The following CHRM3 variants were observed in gnomAD, a reference collection of about 807,000 sequenced individuals.
CHRM3 encodes the protein muscarinic acetylcholine receptor M3.
CHRM3 carries 11 observed loss-of-function variants against 41.8 expected under a neutral mutation model. The ratio of observed to expected loss-of-function variants is 0.26; its 90% CI spans 0.17 to 0.44. The LOEUF (loss-of-function observed/expected upper bound fraction) is 0.44. CHRM3 is among the 20% of genes least tolerant of loss of function. CHRM3 has a pLI of 1.00. For missense variants in CHRM3, 571 were observed against 745.4 expected (o/e 0.77, Z 2.72); for synonymous variants, 297 against 301.4 (o/e 0.99, Z 0.15).
chr1:239,779,551 T>G (rs1350667928), intron 5 of CHRM3, among the ~76,000 whole-genome samples: 2 of 152,172 alleles, frequency 1.3e-5, no homozygotes, highest in East Asian at 3.9e-4. Flanking sequence ...CTGGCCAGCA[T>G]GGCAAAACCG....
At chr1:239,439,831 G>A (rs184473117) in intron 1 of CHRM3, among the ~76,000 whole-genome samples, 1 of 152,192 alleles carries the variant, frequency 6.6e-6, no homozygotes, top group Admixed American at 6.5e-5. Flanking sequence ...TTTTATTAGG[G>A]CTTGGCACCA....
intron 5 of CHRM3, among the ~76,000 whole-genome samples, chr1:239,759,771 A>C (rs1411851655): frequency 6.6e-6 from 1 of 152,180 alleles, no homozygotes; most frequent in East Asian, 1.9e-4. Context: ...TACTGGAATA[A>C]AATTTTGAGT....
chr1:239,608,491 CT>C (rs1039539566), intron 3 of CHRM3, among the ~76,000 whole-genome samples: 4 of 151,586 alleles, frequency 2.6e-5, no homozygotes, highest in South Asian at 2.1e-4. Flanking sequence ...ATTTTCATCT[CT>C]TTTTTTTTGT....
chr1:239,620,859 G>T (rs995432376), intron 3 of CHRM3, among the ~76,000 whole-genome samples: 2 of 152,064 alleles, frequency 1.3e-5, no homozygotes, highest in Non-Finnish European at 2.9e-5. Flanking sequence ...GTACTGTTTC[G>T]TGAGAAGGGC....
At position 239,854,083 on chromosome 1, in the gene CHRM3, C is replaced by T. The variant is rs1329464658; in HGVS notation, c.-20+26705C>T. Among the ~76,000 whole-genome samples, 5 of 151,952 alleles carry T rather than the reference C, an allele frequency of 3.3e-5. No homozygotes were observed. The East Asian group carries it at 9.6e-4, about 29-fold the overall frequency. ...GTGATATTCTATTTAAGATATGAGT[C>T]ACAGTATAAAATCTTAAAAAATACC... is the stretch of plus-strand genomic sequence containing the variant. On this transcript the variant is annotated intron_variant, in intron 6 of 6. Transcript: ENST00000676153.
At chr1:239,494,329 G>C (rs1483975079) in intron 2 of CHRM3, among the ~76,000 whole-genome samples, 4 of 151,974 alleles carry the variant, frequency 2.6e-5, no homozygotes, top group Non-Finnish European at 5.9e-5. Flanking sequence ...TCATTGCCTA[G>C]GGACCAAATC....
chr1:239,571,883 T>C (rs1486396717), intron 3 of CHRM3, among the ~76,000 whole-genome samples: 1 of 152,204 alleles, frequency 6.6e-6, no homozygotes, highest in Non-Finnish European at 1.5e-5. Flanking sequence ...GAGTTCAACC[T>C]CTTGATACTG....
At chr1:239,427,978 C>A (rs1481015574) in intron 1 of CHRM3, among the ~76,000 whole-genome samples, 2 of 152,136 alleles carry the variant, frequency 1.3e-5, no homozygotes, top group Non-Finnish European at 2.9e-5. Context: ...TTGACAGAAG[C>A]CACAGGAACG....
At position 239,618,641 on chromosome 1, in the gene CHRM3, G is replaced by C. The variant is rs866940233; in HGVS notation, c.-312-13583G>C. The stretch of plus-strand genomic sequence containing the variant: ...GGTCGGATCACGAGGTCAGGAGATC[G>C]AGACCATCCTGGCTAACACGGTGAA... On this transcript the variant is annotated intron_variant, in intron 3 of 6. Coordinates refer to ENST00000676153, the MANE Select transcript of CHRM3 (RefSeq NM_001375978.1). 3.3e-5 allele frequency among the ~76,000 whole-genome samples: 5 copies of C among 151,382 alleles called. No individual in the cohort carries two copies. The East Asian group carries it at 6.1e-4, about 18-fold the overall frequency.
rs184289881 is a variant in CHRM3 at position 239,736,946 on chromosome 1, T to C, written c.-147+58658T>C. Among the ~76,000 whole-genome samples the C allele has an allele frequency of 7.2e-5, 11 of 152,334 alleles. No individual in the cohort carries two copies. The East Asian group carries it at 1.7e-3, about 24-fold the overall frequency. ...TGCTGAAAATGTATGAATATACTTATATAACACATTTATATTTGTATAGAA... is the reference window on the plus strand; with the variant it reads ...TGCTGAAAATGTATGAATATACTTACATAACACATTTATATTTGTATAGAA... On this transcript the variant is annotated intron_variant, in intron 5 of 6. Coordinates refer to ENST00000676153, the MANE Select transcript of CHRM3 (RefSeq NM_001375978.1).
At chr1:239,811,498 G>A (rs1299344881) in intron 5 of CHRM3, among the ~76,000 whole-genome samples, 1 of 152,164 alleles carries the variant, frequency 6.6e-6, no homozygotes, top group Admixed American at 6.5e-5. Flanking sequence ...TCTGCTGTCA[G>A]CCTCCTCTGC....
At chr1:239,900,955 C>T (rs1056960075) in intron 6 of CHRM3, among the ~76,000 whole-genome samples, 1 of 152,156 alleles carries the variant, frequency 6.6e-6, no homozygotes, top group Non-Finnish European at 1.5e-5. Flanking sequence ...AACTTAGCAG[C>T]TTACAACAAG....
intron 3 of CHRM3, among the ~76,000 whole-genome samples, chr1:239,564,217 A>G (rs1661145553): frequency 6.6e-6 from 1 of 152,234 alleles, no homozygotes; most frequent in Non-Finnish European, 1.5e-5. Context: ...TTATCTAAGC[A>G]TTGAGAAAAT....
intron 6 of CHRM3, among the ~76,000 whole-genome samples, chr1:239,859,078 A>G (rs1313729705): frequency 1.3e-5 from 2 of 152,326 alleles, no homozygotes; most frequent in South Asian, 2.1e-4. Flanking sequence ...TCAGGTAGAC[A>G]TATGTTTTCA....
intron 5 of CHRM3, among the ~76,000 whole-genome samples, chr1:239,692,623 T>C (rs1659825756): frequency 6.6e-6 from 1 of 152,082 alleles, no homozygotes; most frequent in Non-Finnish European, 1.5e-5. Context: ...ATTAATAACC[T>C]AACAAAAGGC....
chr1:239,768,027 A>C (rs911866315), intron 5 of CHRM3, among the ~76,000 whole-genome samples: 3 of 152,178 alleles, frequency 2.0e-5, no homozygotes, highest in Non-Finnish European at 2.9e-5. Context: ...ATAATTCCAG[A>C]GTATGTCAAT....
intron 1 of CHRM3, among the ~76,000 whole-genome samples, chr1:239,451,196 G>C (rs549408885): frequency 1.3e-5 from 2 of 152,050 alleles, no homozygotes; most frequent in Non-Finnish European, 2.9e-5. Context: ...TGGATGCCAG[G>C]CTGTCCCTAA....
intron 3 of CHRM3, among the ~76,000 whole-genome samples, chr1:239,565,080 C>A (rs1264213187): frequency 6.6e-6 from 1 of 152,168 alleles, no homozygotes; most frequent in Non-Finnish European, 1.5e-5. Flanking sequence ...ATATTGCCTT[C>A]TCCCCTATGG....
intron 2 of CHRM3, among the ~76,000 whole-genome samples, chr1:239,512,175 G>C (rs58836016): frequency 6.6e-6 from 1 of 152,064 alleles, no homozygotes; most frequent in African/African-American, 2.4e-5. Flanking sequence ...GCATGTTTTT[G>C]GTGAAAACCA....
Sources: allele counts gnomAD v4.1 joint callset (sites outside exome capture counted in the v4.1 genomes callset), GRCh38; gene constraint gnomAD v4.1.1; transcripts MANE v1.5; gene names NCBI Gene and HGNC (gene_info 2026-07-23, HGNC 2026-07-21).